The following TRPC4AP variants were observed in gnomAD, a reference collection of about 807,000 sequenced individuals.
The protein encoded by TRPC4AP is short transient receptor potential channel 4-associated protein.
In TRPC4AP, 45 loss-of-function variants were observed where a neutral mutation model predicts 99.0. The observed-to-expected ratio is 0.45, with a 90% CI of 0.36 to 0.58. The LOEUF is 0.58. Ranked by LOEUF, TRPC4AP falls within the 20% of genes least tolerant of loss-of-function variation. The pLI is 0.00. For missense variants in TRPC4AP, 879 were observed against 985.3 expected (o/e 0.89, Z 1.44); for synonymous variants, 408 against 385.8 (o/e 1.06, Z -0.67).
At chr20:35,082,719 T>C (rs2084679148) in intron 1 of TRPC4AP, among the ~76,000 whole-genome samples, 1 of 152,216 alleles carries the variant, frequency 6.6e-6, no homozygotes, top group Non-Finnish European at 1.5e-5. Context: ...GGTTTAATAT[T>C]TGAAAATTTT....
intron 13 of TRPC4AP, among the ~76,000 whole-genome samples, chr20:35,008,198 C>T (rs962957003): frequency 1.3e-5 from 2 of 152,208 alleles, no homozygotes; most frequent in South Asian, 2.1e-4. Context: ...CCTGATGGAA[C>T]TCTACCTGTC....
In TRPC4AP at chr20:35,005,797, C is replaced by A. The variant is rs148201466; in HGVS notation, c.1834G>T (p.Val612Leu). 1 of 1,614,114 alleles carries A rather than the reference C, an allele frequency of 6.2e-7. No individual in the cohort carries two copies. Among genetic ancestry groups the A allele is most frequent in the Admixed American group, 1.7e-5 (1 of 60,020 alleles). Residue 612 changes from valine (V) to leucine (L), a missense_variant, in exon 16 of 19, where the codon GTA becomes TTA. Physicochemically the swap from Val to Leu is conservative, Grantham distance 32 (BLOSUM62 1). This residue lies in a region of TRPC4AP where 224 missense variants were observed against 264.7 expected (regional missense o/e 0.85). Transcript: ENST00000252015. ...GAGCTGTTGATCTGCTTCAGGAATACCTGGAACTATACAGAAACCAAGCTC... is the reference window on the plus strand; with the variant it reads ...GAGCTGTTGATCTGCTTCAGGAATAACTGGAACTATACAGAAACCAAGCTC... ...KYINTDAKFQ[V>L]FLKQINSSLV...
In TRPC4AP at chr20:35,057,535, T is replaced by G. The variant is rs140817919; in HGVS notation, c.451A>C (p.Ile151Leu). ...VEILMRPTIS[I>L]RGQKLKISDE... ...TTACTTTTCAGTTTCTGTCCCCGGATAGAGATCGTAGGCCTCATAAGAATT... is the reference window on the plus strand; with the variant it reads ...TTACTTTTCAGTTTCTGTCCCCGGAGAGAGATCGTAGGCCTCATAAGAATT... Residue 151 changes from isoleucine (I) to leucine (L), a missense_variant, in exon 4 of 19, where the codon ATC becomes CTC. Transcript: ENST00000252015. 1.9e-5 allele frequency: 30 copies of G among 1,612,710 alleles called. No individual in the cohort carries two copies. In the Admixed American group the frequency reaches 5.0e-4, roughly 27 times the overall value.
At chr20:35,041,493 C>A (rs1247440759) in intron 7 of TRPC4AP, among the ~76,000 whole-genome samples, 3 of 152,084 alleles carry the variant, frequency 2.0e-5, no homozygotes, top group African/African-American at 7.2e-5. Context: ...CTAGGCTAGT[C>A]ACACAGATAT....
chr20:35,011,437 C>T (rs575419671), intron 11 of TRPC4AP, among the ~76,000 whole-genome samples: 1 of 152,182 alleles, frequency 6.6e-6, no homozygotes, highest in African/African-American at 2.4e-5. Flanking sequence ...GATCGTGTAG[C>T]TGGTCACCAT....
In TRPC4AP at chr20:35,005,768, C is replaced by T; in HGVS notation, c.1863G>A (p.Leu621=). The change falls in exon 16 of 19, where the codon CTG becomes CTA. Residue 621 remains leucine, a synonymous_variant. Transcript: ENST00000252015. ...AGCGCACCAGCATGTTGGAGTCCAC[C>T]AGGGAGCTGTTGATCTGCTTCAGGA... ...QVFLKQINSS[L]VDSNMLVRCV... The T allele has an allele frequency of 1.2e-6, 2 of 1,614,212 alleles. No individual in the cohort carries two copies. The highest frequency in any genetic ancestry group is 1.7e-6 in the Non-Finnish European group (2 of 1,180,018).
At chr20:35,062,597 A>G (rs1195764139) in intron 3 of TRPC4AP, among the ~76,000 whole-genome samples, 1 of 152,246 alleles carries the variant, frequency 6.6e-6, no homozygotes, top group East Asian at 1.9e-4. Context: ...ACGTATTGTT[A>G]TGACTCCATT....
intron 8 of TRPC4AP, among the ~76,000 whole-genome samples, chr20:35,025,226 T>C (rs2082998793): frequency 6.6e-6 from 1 of 152,192 alleles, no homozygotes; most frequent in Non-Finnish European, 1.5e-5. Flanking sequence ...TCATCTAGAC[T>C]ACTTAAGTGC....
chr20:35,019,921 T>C (rs759412446), intron 9 of TRPC4AP, among the ~76,000 whole-genome samples: 2 of 151,992 alleles, frequency 1.3e-5, no homozygotes, highest in Non-Finnish European at 2.9e-5. Flanking sequence ...AACACACACC[T>C]CAAATCTACC....
intron 9 of TRPC4AP, among the ~76,000 whole-genome samples, chr20:35,020,520 AACTGC>A (rs1347796412): frequency 1.3e-5 from 2 of 152,120 alleles, no homozygotes; most frequent in East Asian, 3.9e-4. Flanking sequence ...AAATGGGGGT[AACTGC>A]ACCTCTGTTG....
intron 1 of TRPC4AP, among the ~76,000 whole-genome samples, chr20:35,085,344 C>A (rs1237637267): frequency 6.6e-6 from 1 of 152,102 alleles, no homozygotes; most frequent in Non-Finnish European, 1.5e-5. Context: ...CTGGGCACAG[C>A]GGCTTACACT....
At chr20:35,067,985 T>C (rs2084188939) in intron 3 of TRPC4AP, among the ~76,000 whole-genome samples, 1 of 152,190 alleles carries the variant, frequency 6.6e-6, no homozygotes, top group African/African-American at 2.4e-5. Flanking sequence ...AATTGTGTAC[T>C]TCAAATGGGT....
At chr20:35,006,338 C>G in intron 15 of TRPC4AP, 97 bp downstream of exon 15, 1 of 1,459,886 alleles carries the variant, frequency 6.8e-7, no homozygotes, top group Non-Finnish European at 9.4e-7. Flanking sequence ...CCCGTCGTCT[C>G]TAACGTAAAA....
chr20:35,028,382 G>A (rs188526770), intron 8 of TRPC4AP, among the ~76,000 whole-genome samples: 1 of 152,016 alleles, frequency 6.6e-6, no homozygotes, highest in African/African-American at 2.4e-5. Context: ...GTGAGCCACC[G>A]CGCCCGGCCT....
intron 8 of TRPC4AP, among the ~76,000 whole-genome samples, chr20:35,027,395 G>A (rs780930887): frequency 3.3e-5 from 5 of 152,132 alleles, no homozygotes; most frequent in Non-Finnish European, 5.9e-5. Flanking sequence ...AATCCATTTG[G>A]TCATGGTATA....
At chr20:35,020,308 A>G (rs1216456199) in intron 9 of TRPC4AP, among the ~76,000 whole-genome samples, 7 of 152,142 alleles carry the variant, frequency 4.6e-5, no homozygotes, top group African/African-American at 7.2e-5. Context: ...AGTAAAAACC[A>G]AAGTCTTTAA....
chr20:35,024,825 CAAAAAAAAAAA>C (rs778161091), intron 8 of TRPC4AP, among the ~76,000 whole-genome samples: 11 of 35,880 alleles, frequency 3.1e-4, no homozygotes, highest in South Asian at 2.3e-3. Flanking sequence ...GAGACCGTCT[CAAAAAAAAAAA>C]AAAAAAAAAA....
At chr20:35,028,876 T>TTGTA (rs1199558953) in intron 8 of TRPC4AP, among the ~76,000 whole-genome samples, 1 of 152,242 alleles carries the variant, frequency 6.6e-6, no homozygotes, top group Non-Finnish European at 1.5e-5. Context: ...TTTATAACTG[T>TTGTA]TGTATCTTCT....
intron 1 of TRPC4AP, among the ~76,000 whole-genome samples, chr20:35,089,447 G>A (rs1265418546): frequency 6.7e-6 from 1 of 149,842 alleles, no homozygotes; most frequent in Non-Finnish European, 1.5e-5. Flanking sequence ...CACTGCCCAG[G>A]CTTGACTCAA....
Sources: allele counts gnomAD v4.1 joint callset (sites outside exome capture counted in the v4.1 genomes callset), GRCh38; gene constraint gnomAD v4.1.1; regional missense constraint gnomAD v4.1.1; transcripts MANE v1.5; gene names NCBI Gene and HGNC (gene_info 2026-07-23, HGNC 2026-07-21).